Variants in NAALADL2 observed in about 807,000 individuals in gnomAD.
NAALADL2 encodes inactive N-acetylated-alpha-linked acidic dipeptidase-like protein 2.
A neutral mutation model predicts 87.2 loss-of-function variants in NAALADL2; 76 were observed. The observed-to-expected ratio is 0.87, with a 90% CI of 0.72 to 1.05. NAALADL2 has a LOEUF of 1.05. Among genes scored for constraint, NAALADL2 ranks in the 50% least tolerant of loss-of-function variants. The pLI, the probability that NAALADL2 is intolerant of heterozygous loss-of-function variation, is 0.00. For synonymous variants in NAALADL2, 354 were observed against 331.0 expected, an observed-to-expected ratio of 1.07 and a Z score of -0.75; for missense variants, 1,089 against 945.8, an observed-to-expected ratio of 1.15 and a Z score of -1.99.
At chr3:175,772,697 G>A (rs1489129631) in intron 13 of NAALADL2, among the ~76,000 whole-genome samples, 1 of 152,110 alleles carries the variant, frequency 6.6e-6, no homozygotes, top group African/African-American at 2.4e-5. Flanking sequence ...AGCAGTGGCC[G>A]CTATTCAGAG....
intron 1 of NAALADL2, among the ~76,000 whole-genome samples, chr3:174,478,639 AT>A (rs1302765417): frequency 1.3e-5 from 2 of 152,118 alleles, no homozygotes; most frequent in African/African-American, 4.8e-5. Flanking sequence ...AACAATGAAT[AT>A]ATTTTTCTAT....
At chr3:175,007,834 T>C (rs914538588) in intron 1 of NAALADL2, among the ~76,000 whole-genome samples, 3 of 152,142 alleles carry the variant, frequency 2.0e-5, no homozygotes, top group African/African-American at 7.2e-5. Flanking sequence ...ATAGAATAAT[T>C]ATGACAATAT....
At chr3:174,722,616 C>T (rs551438101) in intron 2 of NAALADL2, among the ~76,000 whole-genome samples, 12 of 152,230 alleles carry the variant, frequency 7.9e-5, no homozygotes, top group African/African-American at 2.6e-4. Context: ...GCAGGAGAAT[C>T]GCTTGAACTC....
intron 3 of NAALADL2, among the ~76,000 whole-genome samples, chr3:174,836,708 CAA>C (rs36091749): frequency 0.032 from 2,066 of 65,312 alleles, 29 homozygotes; most frequent in African/African-American, 0.094. Flanking sequence ...GACTCCGTCT[CAA>C]AAAAAAAAAA....
intron 2 of NAALADL2, among the ~76,000 whole-genome samples, chr3:175,226,567 T>C (rs182060515): frequency 1.2e-3 from 178 of 152,224 alleles, no homozygotes; most frequent in Middle Eastern, 3.4e-3. Context: ...ACGTTCAACA[T>C]CTTGATTGCA....
intron 2 of NAALADL2, among the ~76,000 whole-genome samples, chr3:174,706,149 ACT>A (rs1730047723): frequency 6.6e-6 from 1 of 152,178 alleles, no homozygotes; most frequent in Admixed American, 6.5e-5. Context: ...TTGTTATAAA[ACT>A]CTCACATACA....
intron 3 of NAALADL2, among the ~76,000 whole-genome samples, chr3:174,850,231 C>A (rs1047460077): frequency 1.3e-5 from 2 of 151,970 alleles, no homozygotes; most frequent in Non-Finnish European, 2.9e-5. Flanking sequence ...CCTACTCTAG[C>A]CTATCCTGTA....
At chr3:175,389,803 C>T (rs996204308) in intron 5 of NAALADL2, among the ~76,000 whole-genome samples, 1 of 152,192 alleles carries the variant, frequency 6.6e-6, no homozygotes, top group Non-Finnish European at 1.5e-5. Flanking sequence ...GTCAGGATCA[C>T]ACTCTGTGAC....
chr3:174,478,857 TTG>T (rs1717374428), intron 1 of NAALADL2, among the ~76,000 whole-genome samples: 1 of 152,016 alleles, frequency 6.6e-6, no homozygotes, highest in African/African-American at 2.4e-5. Flanking sequence ...GATTACAAGT[TTG>T]TGCCACCACA....
At chr3:175,594,324 T>A (rs993516050) in intron 10 of NAALADL2, among the ~76,000 whole-genome samples, 1 of 152,198 alleles carries the variant, frequency 6.6e-6, no homozygotes, top group Non-Finnish European at 1.5e-5. Context: ...TCAAAGGACA[T>A]GATTCAGTCT....
rs1025771149 is a variant in NAALADL2 at position 175,466,980 on chromosome 3, C to T, written c.1329C>T (p.Asp443=). The stretch of plus-strand genomic sequence containing the variant: ...GCTCTTGTCCCTTTCTATTTTCAGA[C>T]CGGTATATCATAGTTGGCAGCCATC... ...VGFVMGLTSP[D]RYIIVGSHHH... Residue 443 remains aspartate (D), a splice_region_variant and synonymous_variant, in exon 8 of 14, where the codon GAC becomes GAT. Coordinates refer to ENST00000454872, the MANE Select transcript of NAALADL2 (RefSeq NM_207015.3). 6.2e-7 allele frequency: 1 copy of T among 1,609,278 alleles called. No individual in the cohort carries two copies. Among genetic ancestry groups the T allele is most frequent in the African/African-American group, 1.3e-5 (1 of 74,720 alleles).
chr3:174,719,859 T>C (rs1248951248), intron 2 of NAALADL2, among the ~76,000 whole-genome samples: 2 of 152,238 alleles, frequency 1.3e-5, no homozygotes, highest in Non-Finnish European at 2.9e-5. Flanking sequence ...AGTGCCAGCC[T>C]GGAGCGATCT....
intron 3 of NAALADL2, among the ~76,000 whole-genome samples, chr3:174,748,646 G>A (rs1341910708): frequency 1.3e-5 from 2 of 151,956 alleles, no homozygotes; most frequent in South Asian, 2.1e-4. Context: ...TTGTGTTTTC[G>A]GTAGTTTCAT....
At chr3:174,456,411 CA>C (rs59833697) in intron 1 of NAALADL2, among the ~76,000 whole-genome samples, 13,086 of 56,350 alleles carry the variant, frequency 0.23, 211 homozygotes, top group South Asian at 0.34. Context: ...CAATCCTAAG[CA>C]AAAAAAAAAA....
chr3:174,794,703 A>G (rs1464079262), intron 3 of NAALADL2, among the ~76,000 whole-genome samples: 1 of 152,066 alleles, frequency 6.6e-6, no homozygotes, highest in Non-Finnish European at 1.5e-5. Flanking sequence ...ACTTTTCATT[A>G]TTTTTATTAA....
intron 2 of NAALADL2, among the ~76,000 whole-genome samples, chr3:175,148,128 T>TAATAATAA (rs1553790326): frequency 8.7e-4 from 114 of 131,766 alleles, no homozygotes; most frequent in East Asian, 8.1e-3. Flanking sequence ...AATAATAAAA[T>TAATAATAA]AATAATAATA....
intron 1 of NAALADL2, among the ~76,000 whole-genome samples, chr3:174,493,000 T>A (rs1718298242): frequency 6.6e-6 from 1 of 152,224 alleles, no homozygotes. Flanking sequence ...TGTTAGAGAC[T>A]TTAAGGATTT....
chr3:175,264,850 T>C (rs1751662193), intron 4 of NAALADL2, among the ~76,000 whole-genome samples: 1 of 151,662 alleles, frequency 6.6e-6, no homozygotes, highest in Non-Finnish European at 1.5e-5. Context: ...ATTTATAGAA[T>C]AGTTTTATTC....
chr3:174,956,479 C>T (rs2108533828), intron 1 of NAALADL2, among the ~76,000 whole-genome samples: 1 of 152,164 alleles, frequency 6.6e-6, no homozygotes, highest in East Asian at 1.9e-4. Flanking sequence ...ATGGGCCTCA[C>T]TTTTATCTCC....
Sources: allele counts gnomAD v4.1 joint callset (sites outside exome capture counted in the v4.1 genomes callset), GRCh38; gene constraint gnomAD v4.1.1; transcripts MANE v1.5; gene names NCBI Gene and HGNC (gene_info 2026-07-23, HGNC 2026-07-21).